The following PCDH9 variants were observed in gnomAD, a reference collection of about 807,000 sequenced individuals.
The protein encoded by PCDH9 is protocadherin-9.
Under a neutral mutation model 70.6 loss-of-function variants are expected in PCDH9, and 24 were observed. That is an observed-to-expected ratio of 0.34 (90% CI 0.25 to 0.48). The LOEUF (loss-of-function observed/expected upper bound fraction) is 0.48. Ranked by LOEUF, PCDH9 falls within the 20% of genes least tolerant of loss-of-function variation. The pLI, the probability that PCDH9 is intolerant of heterozygous loss-of-function variation, is 0.99. For missense variants in PCDH9, 1,281 were observed against 1,503.6 expected (o/e 0.85, Z 2.45); for synonymous variants, 562 against 558.5 (o/e 1.01, Z -0.09).
At chr13:66,700,937 T>TATAA (rs1397742151) in intron 3 of PCDH9, among the ~76,000 whole-genome samples, 1 of 114,186 alleles carries the variant, frequency 8.8e-6, no homozygotes, top group Admixed American at 8.5e-5. Flanking sequence ...TATATATATA[T>TATAA]ATATATATAT....
At chr13:66,324,991 T>A in intron 4 of PCDH9, among the ~76,000 whole-genome samples, 1 of 151,972 alleles carries the variant, frequency 6.6e-6, no homozygotes, top group Non-Finnish European at 1.5e-5. Flanking sequence ...GCAATCTAGA[T>A]CTAAAATATT....
intron 4 of PCDH9, among the ~76,000 whole-genome samples, chr13:66,305,531 T>C (rs1955451284): frequency 6.6e-6 from 1 of 152,030 alleles, no homozygotes; most frequent in Admixed American, 6.6e-5. Flanking sequence ...AAATAAATAC[T>C]CTAAATGATT....
intron 4 of PCDH9, among the ~76,000 whole-genome samples, chr13:66,377,412 C>T (rs897738517): frequency 6.6e-6 from 1 of 152,002 alleles, no homozygotes; most frequent in African/African-American, 2.4e-5. Context: ...GGTTCAGCAA[C>T]CATGGTAGGA....
At chr13:66,372,152 A>G (rs1362619444) in intron 4 of PCDH9, among the ~76,000 whole-genome samples, 1 of 152,042 alleles carries the variant, frequency 6.6e-6, no homozygotes, top group Non-Finnish European at 1.5e-5. Flanking sequence ...ATGAAAACAC[A>G]TGCACCATCT....
At chr13:66,829,058 TC>T (rs1369878736) in intron 3 of PCDH9, among the ~76,000 whole-genome samples, 1 of 152,102 alleles carries the variant, frequency 6.6e-6, no homozygotes, top group Admixed American at 6.6e-5. Flanking sequence ...TTCGCACTTG[TC>T]CAGGCTGGAG....
At chr13:67,111,274 T>C (rs61959404) in intron 2 of PCDH9, among the ~76,000 whole-genome samples, 8,371 of 152,318 alleles carry the variant, frequency 0.055, 304 homozygotes, top group Non-Finnish European at 0.088. Context: ...TAGCAAAATG[T>C]ACGATTAATA....
chr13:66,974,295 T>C (rs2083577370), intron 2 of PCDH9, among the ~76,000 whole-genome samples: 1 of 152,018 alleles, frequency 6.6e-6, no homozygotes, highest in South Asian at 2.1e-4. Context: ...ATGGAGTAGC[T>C]GCAAAGGATT....
intron 3 of PCDH9, among the ~76,000 whole-genome samples, chr13:66,846,243 G>GA (rs1379340675): frequency 2.6e-5 from 4 of 151,612 alleles, no homozygotes; most frequent in Admixed American, 6.6e-5. Context: ...AAAGAACTTG[G>GA]AAAAAAATTA....
At chr13:67,134,283 T>C (rs919035320) in intron 2 of PCDH9, among the ~76,000 whole-genome samples, 1 of 151,980 alleles carries the variant, frequency 6.6e-6, no homozygotes, top group African/African-American at 2.4e-5. Flanking sequence ...CTCCCTGAGG[T>C]TTTTAGATAT....
At chr13:66,439,433 G>C (rs1382000358) in intron 4 of PCDH9, among the ~76,000 whole-genome samples, 1 of 152,082 alleles carries the variant, frequency 6.6e-6, no homozygotes, top group East Asian at 1.9e-4. Context: ...GTAGATTTCA[G>C]ATGTTCTCTC....
chr13:66,370,627 C>T (rs1036473153), intron 4 of PCDH9, among the ~76,000 whole-genome samples: 2 of 151,290 alleles, frequency 1.3e-5, no homozygotes, highest in African/African-American at 4.9e-5. Flanking sequence ...CCTCCCGTAT[C>T]AGCCTCTTGA....
chr13:67,224,661 A>T (rs2138130174), intron 2 of PCDH9: 1 of 257,354 alleles, frequency 3.9e-6, no homozygotes, highest in Non-Finnish European at 6.1e-6. Context: ...TGCATTACTA[A>T]GATGAGAGAA....
chr13:67,060,711 A>G (rs930289188), intron 2 of PCDH9, among the ~76,000 whole-genome samples: 2 of 152,052 alleles, frequency 1.3e-5, no homozygotes, highest in Admixed American at 1.3e-4. Context: ...TCACTCTCAG[A>G]GCAATAATCA....
At chr13:66,469,154 T>G (rs764434321) in intron 4 of PCDH9, among the ~76,000 whole-genome samples, 6 of 152,130 alleles carry the variant, frequency 3.9e-5, no homozygotes, top group Non-Finnish European at 8.8e-5. Context: ...TGTATTTAAA[T>G]CCAGCTAAAA....
chr13:66,754,043 CTTTTTTTATTTCA>C (rs576728389), intron 3 of PCDH9, among the ~76,000 whole-genome samples: 11 of 152,076 alleles, frequency 7.2e-5, no homozygotes, highest in African/African-American at 9.7e-5. Flanking sequence ...CTGAACCTCT[CTTTTTTTATTTCA>C]TTTTTTTATT....
chr13:67,134,849 G>A (rs749875595), intron 2 of PCDH9, among the ~76,000 whole-genome samples: 2 of 152,058 alleles, frequency 1.3e-5, no homozygotes, highest in African/African-American at 4.8e-5. Flanking sequence ...CAAAATTTAT[G>A]TTGAAAACTG....
At chr13:67,203,023 G>A (rs984492106) in intron 2 of PCDH9, 1 of 152,034 alleles carries the variant, frequency 6.6e-6, no homozygotes, top group African/African-American at 2.4e-5. Context: ...TTTTGATACA[G>A]GGTTTTAAGA....
chr13:67,225,128 C>T (rs898724201), intron 2 of PCDH9: 3 of 1,316,898 alleles, frequency 2.3e-6, no homozygotes, highest in Non-Finnish European at 2.9e-6. Context: ...CTTCAGCAAA[C>T]ATTATCTTGG....
chr13:66,749,030 A>T (rs1392358359), intron 3 of PCDH9, among the ~76,000 whole-genome samples: 1 of 152,204 alleles, frequency 6.6e-6, no homozygotes, highest in East Asian at 1.9e-4. Context: ...TCTTCCTGCC[A>T]TTATGTGAAG....
Sources: gnomAD v4.1 joint callset for allele counts (sites outside exome capture counted in the v4.1 genomes callset) on GRCh38, gnomAD v4.1.1 for gene constraint, MANE v1.5 for transcripts, NCBI Gene and HGNC (gene_info 2026-07-23, HGNC 2026-07-21) for gene names.